Variants in DPP6 observed in about 807,000 individuals in gnomAD.
The protein encoded by DPP6 is dipeptidyl peptidase like 6.
In DPP6, 69 loss-of-function variants were observed where a neutral mutation model predicts 122.6. The observed-to-expected ratio is 0.56, with a 90% CI of 0.46 to 0.69. DPP6 has a LOEUF of 0.69. Among genes scored for constraint, DPP6 ranks in the 30% least tolerant of loss-of-function variants. The pLI is 0.00. For synonymous variants in DPP6, 418 were observed against 433.1 expected (o/e 0.97, Z 0.43); for missense variants, 928 against 1,116.9 (o/e 0.83, Z 2.41).
intron 1 of DPP6, among the ~76,000 whole-genome samples, chr7:154,258,308 T>C (rs1209604397): frequency 6.6e-6 from 1 of 152,206 alleles, no homozygotes; most frequent in Non-Finnish European, 1.5e-5. Flanking sequence ...CATACATATC[T>C]TGTTTTATCC....
intron 3 of DPP6, among the ~76,000 whole-genome samples, chr7:154,487,474 G>A (rs1823898002): frequency 6.6e-6 from 1 of 152,138 alleles, no homozygotes; most frequent in Non-Finnish European, 1.5e-5. Flanking sequence ...TGGGGCAGGC[G>A]GTTTTCTGCC....
At chr7:154,639,513 T>A (rs1312704481) in intron 6 of DPP6, among the ~76,000 whole-genome samples, 1 of 152,228 alleles carries the variant, frequency 6.6e-6, no homozygotes, top group Admixed American at 6.5e-5. Flanking sequence ...CCATCTTATA[T>A]CAATTTGTAA....
the DPP6 span, among the ~76,000 whole-genome samples, chr7:153,858,347 G>A: frequency 1.3e-5 from 2 of 152,176 alleles, no homozygotes; most frequent in East Asian, 3.9e-4. Context: ...CTGGGGCAGG[G>A]TGAAGGGAAC....
rs773388486 is a variant in DPP6, at chr7:154,684,678, TCAC to T, written c.762+15240_762+15242del. On this transcript the variant is annotated intron_variant, in intron 7 of 25. Transcript: ENST00000377770. ...CATGACACCGTGTTCAAACCCAGGC[TCAC>T]CAGTTTCTAGTTACCCTTCAGATAA... Among the ~76,000 whole-genome samples, 10 of 152,194 alleles carry T rather than the reference TCAC, an allele frequency of 6.6e-5. 1 individual carries two copies. The highest frequency in any genetic ancestry group is 6.2e-4 in the South Asian group (3 of 4,826).
chr7:154,567,130 A>G (rs1057369699), intron 5 of DPP6, among the ~76,000 whole-genome samples: 1 of 152,194 alleles, frequency 6.6e-6, no homozygotes, highest in South Asian at 2.1e-4. Flanking sequence ...CATACTTTAG[A>G]GGCTCTTTCA....
chr7:154,208,336 G>A (rs953085152), intron 1 of DPP6, among the ~76,000 whole-genome samples: 1 of 152,136 alleles, frequency 6.6e-6, no homozygotes, highest in Non-Finnish European at 1.5e-5. Context: ...CAAAAATAGA[G>A]CTGAACTCTC....
At chr7:154,227,215 G>GACACACACACACACACACAC (rs1554495537) in intron 1 of DPP6, among the ~76,000 whole-genome samples, 32,253 of 141,168 alleles carry the variant, frequency 0.23, 3,875 homozygotes, top group East Asian at 0.33. Context: ...GAAAATGAGG[G>GACACACACACACACACACAC]ACACACACAC....
At chr7:154,668,219 A>ATATATATATATATATATATATGTGTGT (rs1554430259) in intron 6 of DPP6, among the ~76,000 whole-genome samples, 2 of 54,406 alleles carry the variant, frequency 3.7e-5, no homozygotes, top group Non-Finnish European at 9.5e-5. Flanking sequence ...ATATATATAT[A>ATATATATATATATATATATATGTGTGT]ATATACACAT....
the DPP6 span, among the ~76,000 whole-genome samples, chr7:153,795,889 G>A: frequency 2.7e-5 from 4 of 149,792 alleles, no homozygotes; most frequent in East Asian, 7.8e-4. Context: ...TATTTAAAGG[G>A]GTATAATTTG....
intron 1 of DPP6, chr7:154,305,027 C>G (rs950006420): frequency 7.7e-5 from 1 of 12,932 alleles, no homozygotes; most frequent in African/African-American, 4.0e-4. Context: ...CTCCCCAGCC[C>G]CAGCCCCAGC....
chr7:154,239,704 G>A (rs1364852580), intron 1 of DPP6, among the ~76,000 whole-genome samples: 1 of 151,920 alleles, frequency 6.6e-6, no homozygotes, highest in Non-Finnish European at 1.5e-5. Flanking sequence ...TGGGCTCAAT[G>A]GCTCATGCCT....
intron 1 of DPP6, among the ~76,000 whole-genome samples, chr7:154,350,329 G>C (rs915730846): frequency 6.6e-6 from 1 of 152,154 alleles, no homozygotes; most frequent in African/African-American, 2.4e-5. Context: ...GGGTGGGAGA[G>C]TGGTCTTCCA....
In DPP6 at chr7:153,987,558, ATT is replaced by A. The variant is rs56178380; in HGVS notation, c.51+99834_51+99835del. 2.0e-3 allele frequency among the ~76,000 whole-genome samples: 295 copies of A among 148,814 alleles called. 2 individuals are homozygous for A. Among genetic ancestry groups the A allele is most frequent in the African/African-American group, 6.5e-3 (263 of 40,506 alleles). Reference sequence around the variant, plus strand: ...AAGTGGGAAGAAATGAATTCAAACCATTTTTTTTTTTCCCTCAGAAAACTAAA... The same window carrying A: ...AAGTGGGAAGAAATGAATTCAAACCATTTTTTTTTCCCTCAGAAAACTAAA... On this transcript the variant is annotated intron_variant, in intron 1 of 25. Transcript: ENST00000404039.
At position 154,199,329 on chromosome 7, in the gene DPP6, G is replaced by A. The variant is rs113354290; in HGVS notation, c.243+146266G>A. 4.6e-3 allele frequency among the ~76,000 whole-genome samples: 698 copies of A among 152,238 alleles called. 8 individuals carry two copies. The highest frequency in any genetic ancestry group is 0.016 in the African/African-American group (666 of 41,544). ...AGTAGGCGCTGCTCCTAAAATGCAC[G>A]TTAATATTGATGCTGTTTCATCCGG... On this transcript the variant is annotated intron_variant, in intron 1 of 25. Transcript: ENST00000377770.
At chr7:154,210,925 C>A (rs1219666602) in intron 1 of DPP6, among the ~76,000 whole-genome samples, 2 of 152,118 alleles carry the variant, frequency 1.3e-5, no homozygotes, top group Admixed American at 1.3e-4. Flanking sequence ...CAATTTGATC[C>A]TAAAGCAATC....
chr7:154,697,790 C>T (rs760772183), intron 7 of DPP6, among the ~76,000 whole-genome samples: 15 of 152,324 alleles, frequency 9.8e-5, no homozygotes, highest in Non-Finnish European at 2.2e-4. Context: ...GGTTCGAATT[C>T]CCACCACCTT....
intron 1 of DPP6, among the ~76,000 whole-genome samples, chr7:154,218,088 C>T (rs1298831657): frequency 6.6e-6 from 1 of 152,200 alleles, no homozygotes; most frequent in Non-Finnish European, 1.5e-5. Flanking sequence ...ATTTAAAATC[C>T]ATCCACCATC....
At chr7:154,416,273 T>C (rs1320064353) in intron 1 of DPP6, among the ~76,000 whole-genome samples, 1 of 152,104 alleles carries the variant, frequency 6.6e-6, no homozygotes, top group Non-Finnish European at 1.5e-5. Flanking sequence ...ATGCCGATGA[T>C]TCAGGATCAC....
the DPP6 span, among the ~76,000 whole-genome samples, chr7:153,760,674 A>G: frequency 1.3e-5 from 2 of 152,076 alleles, no homozygotes; most frequent in African/African-American, 4.8e-5. Flanking sequence ...AATTATCCCC[A>G]CTACAAAAAT....
Sources: gnomAD v4.1 joint callset for allele counts (sites outside exome capture counted in the v4.1 genomes callset) on GRCh38, gnomAD v4.1.1 for gene constraint, MANE v1.5 for transcripts, NCBI Gene and HGNC (gene_info 2026-07-23, HGNC 2026-07-21) for gene names.